Variants in SLC36A1 observed in about 807,000 individuals in gnomAD.
The protein encoded by SLC36A1 is solute carrier family 36 member 1, also known as proton-coupled amino acid transporter 1.
In SLC36A1, 30 loss-of-function variants were observed where a neutral mutation model predicts 47.5. The observed-to-expected ratio is 0.63, with a 90% CI of 0.47 to 0.86. The LOEUF (loss-of-function observed/expected upper bound fraction) is 0.86, where lower values mean the gene tolerates loss of function less well. Among genes scored for constraint, SLC36A1 ranks in the 40% least tolerant of loss-of-function variants. The pLI is 0.00. For synonymous variants in SLC36A1, 255 were observed against 249.7 expected, an observed-to-expected ratio of 1.02 and a Z score of -0.20; for missense variants, 517 against 606.0, an observed-to-expected ratio of 0.85 and a Z score of 1.54.
At chr5:151,398,733 T>C in the SLC36A1 span, among the ~76,000 whole-genome samples, 1 of 152,108 alleles carries the variant, frequency 6.6e-6, no homozygotes, top group African/African-American at 2.4e-5. Flanking sequence ...AGAATTTGAG[T>C]GGGAAATGAA....
At chr5:151,453,072 C>T (rs1753902816) in intron 1 of SLC36A1, among the ~76,000 whole-genome samples, 1 of 146,078 alleles carries the variant, frequency 6.8e-6, no homozygotes, top group Non-Finnish European at 1.5e-5. Flanking sequence ...GTTGTGGTGG[C>T]GCATGTCCGT....
chr5:151,458,356 T>TATATATATATACACAC lies in SLC36A1; in HGVS notation c.-5-431_-5-430insTATATATATACACACA, dbSNP rs796511045. 1.8e-3 allele frequency among the ~76,000 whole-genome samples: 229 copies of TATATATATATACACAC among 129,712 alleles called. 4 individuals are homozygous for TATATATATATACACAC. The highest frequency in any genetic ancestry group is 7.7e-3 in the African/African-American group (218 of 28,336). The allele number at this position is 129,712 out of a possible 152,430, so 85.1% of individuals were successfully genotyped here. A position where few individuals can be genotyped will look rare whatever the true frequency, so the allele number is the denominator to read the frequency against. Reference sequence around the variant, plus strand: ...TATGGGATATTTATATATATATATATACACACACGATTGAACTATTGCACA... The same window carrying TATATATATATACACAC: ...TATGGGATATTTATATATATATATATATATATATATACACACACACACACGATTGAACTATTGCACA... On this transcript the variant is annotated intron_variant, in intron 1 of 10. Transcript: ENST00000243389.
At chr5:151,493,414 T>C (rs1760248894), downstream of SLC36A1, among the ~76,000 whole-genome samples, 2 of 152,192 alleles carry the variant, frequency 1.3e-5, no homozygotes, top group South Asian at 4.1e-4. Context: ...CAGTGCCAAT[T>C]GCAAGTACCA....
chr5:151,527,958 C>T, the SLC36A1 span: 2 of 1,607,938 alleles, frequency 1.2e-6, no homozygotes, highest in African/African-American at 2.7e-5. Flanking sequence ...TGTCTCTGCT[C>T]TAATGAGCTC....
the SLC36A1 span, among the ~76,000 whole-genome samples, chr5:151,513,294 A>G: frequency 1.3e-5 from 2 of 152,220 alleles, no homozygotes; most frequent in African/African-American, 2.4e-5. Flanking sequence ...ACATACACTC[A>G]TATGTTGATT....
At chr5:151,444,304 G>A (rs1452621428), upstream of SLC36A1, among the ~76,000 whole-genome samples, 4 of 152,018 alleles carry the variant, frequency 2.6e-5, no homozygotes, top group Non-Finnish European at 5.9e-5. Flanking sequence ...ATGTGCATGG[G>A]ATATCTTTTC....
the SLC36A1 span, chr5:151,545,955 C>T: frequency 2.2e-5 from 35 of 1,613,946 alleles, no homozygotes; most frequent in Middle Eastern, 1.6e-4. Context: ...GCTGGTAAGA[C>T]GAGATTTTCT....
At chr5:151,510,993 G>C in the SLC36A1 span, 1 of 152,418 alleles carries the variant, frequency 6.6e-6, no homozygotes, top group African/African-American at 2.4e-5. Context: ...GCAGCATGGC[G>C]GCCACTGAGC....
At chr5:151,553,370 A>T in the SLC36A1 span, 2 of 1,614,186 alleles carry the variant, frequency 1.2e-6, no homozygotes, top group Non-Finnish European at 1.7e-6. Context: ...GTGGCTGCCC[A>T]CTGTCTGTTG....
the SLC36A1 span, among the ~76,000 whole-genome samples, chr5:151,536,154 T>C: frequency 6.6e-6 from 1 of 152,144 alleles, no homozygotes; most frequent in South Asian, 2.1e-4. Flanking sequence ...GATGTTCCAG[T>C]TTCTGCATAA....
chr5:151,421,272 G>A, the SLC36A1 span, among the ~76,000 whole-genome samples: 1 of 122,720 alleles, frequency 8.1e-6, no homozygotes, highest in African/African-American at 3.1e-5. Context: ...TTCAAGGTCT[G>A]GCTCTGTTGC....
chr5:151,551,205 T>C, the SLC36A1 span, among the ~76,000 whole-genome samples: 1 of 152,178 alleles, frequency 6.6e-6, no homozygotes, highest in South Asian at 2.1e-4. Flanking sequence ...CATCCCCCTA[T>C]ACCCATAGTA....
At position 151,437,559 on chromosome 5, in the gene SLC36A1, C is replaced by T. The variant is rs201231499; in HGVS notation, c.-6+380C>T. On this transcript the variant is annotated intron_variant, in intron 1 of 8. Transcript: ENST00000429484. ...TTCTTCATTTCTCTATACAATATAG[C>T]TATAATGATATTTCTCAATTGATCA... Among the ~76,000 whole-genome samples the T allele has an allele frequency of 3.3e-5, 5 of 152,210 alleles. No homozygotes were observed. The East Asian group carries it at 7.7e-4, about 24-fold the overall frequency.
chr5:151,507,722 C>T, the SLC36A1 span: 6 of 962,804 alleles, frequency 6.2e-6, no homozygotes, highest in Admixed American at 3.0e-5. Context: ...TACCATCTCC[C>T]GTTTTTCACC....
chr5:151,380,507 C>A, the SLC36A1 span: 528 of 492,394 alleles, frequency 1.1e-3, no homozygotes, highest in African/African-American at 9.1e-3. Flanking sequence ...TGATGCCCTG[C>A]GGCAGTTCGT....
chr5:151,498,539 A>G, the SLC36A1 span, among the ~76,000 whole-genome samples: 1 of 152,186 alleles, frequency 6.6e-6, no homozygotes, highest in South Asian at 2.1e-4. Context: ...GTCTGACATC[A>G]AACCTCACGT....
At chr5:151,373,764 G>T in the SLC36A1 span, among the ~76,000 whole-genome samples, 1 of 151,990 alleles carries the variant, frequency 6.6e-6, no homozygotes, top group East Asian at 1.9e-4. Flanking sequence ...TTAGAGACAG[G>T]GTCTTGCTCT....
At chr5:151,395,745 T>C in the SLC36A1 span, among the ~76,000 whole-genome samples, 1 of 152,216 alleles carries the variant, frequency 6.6e-6, no homozygotes, top group Non-Finnish European at 1.5e-5. Flanking sequence ...GATGAGGTCA[T>C]GCTTGGAAAC....
At chr5:151,503,814 GAGCCTC>G in the SLC36A1 span, among the ~76,000 whole-genome samples, 1 of 152,132 alleles carries the variant, frequency 6.6e-6, no homozygotes, top group Non-Finnish European at 1.5e-5. Flanking sequence ...TCATCACTCA[GAGCCTC>G]AGAGCCCCAG....
Sources: gnomAD v4.1 joint callset for allele counts (sites outside exome capture counted in the v4.1 genomes callset) on GRCh38, gnomAD v4.1.1 for gene constraint, MANE v1.5 for transcripts, NCBI Gene and HGNC (gene_info 2026-07-23, HGNC 2026-07-21) for gene names.